ENPP6: variants seen among roughly 807,000 people sequenced by gnomAD.
ENPP6 encodes ectonucleotide pyrophosphatase/phosphodiesterase 6, also known as glycerophosphocholine cholinephosphodiesterase ENPP6.
ENPP6 carries 32 observed loss-of-function variants against 42.0 expected under a neutral mutation model. The ratio of observed to expected loss-of-function variants is 0.76; its 90% CI spans 0.58 to 1.02. ENPP6 has a LOEUF of 1.02. Among genes scored for constraint, ENPP6 ranks in the 50% least tolerant of loss-of-function variants. ENPP6 has a pLI of 0.00. For missense variants in ENPP6, 552 were observed against 566.8 expected (o/e 0.97, Z 0.27); for synonymous variants, 213 against 216.0 (o/e 0.99, Z 0.12).
rs1732601416 is a variant in ENPP6 at position 184,184,593 on chromosome 4, A to C, written c.242-30860T>G. ...TGACCTCATTTGGAAGAAGGGTCTT[A>C]GCAGATGTCACTAAGTTAAGGGTTT... On this transcript the variant is annotated intron_variant, in intron 1 of 7. Coordinates refer to ENST00000296741, the MANE Select transcript of ENPP6 (RefSeq NM_153343.4). This position sits in a 1 kb window ranked among gnomAD's most constrained non-coding sequence, Gnocchi z 4.7. Among the ~76,000 whole-genome samples, 1 of 152,182 alleles carries C rather than the reference A, an allele frequency of 6.6e-6. No individual in the cohort carries two copies. The highest frequency in any genetic ancestry group is 2.4e-5 in the African/African-American group (1 of 41,432).
At chr4:184,133,788 G>A (rs866978094) in intron 2 of ENPP6, among the ~76,000 whole-genome samples, 33 of 150,482 alleles carry the variant, frequency 2.2e-4, no homozygotes, top group African/African-American at 8.1e-4. Context: ...GTTTAGGATT[G>A]TATCAATTGC....
chr4:184,116,163 C>T (rs1736310372), intron 5 of ENPP6, among the ~76,000 whole-genome samples: 1 of 152,166 alleles, frequency 6.6e-6, no homozygotes, highest in African/African-American at 2.4e-5. Context: ...GCAAAGCTTG[C>T]AGTGAGCCGA....
intron 1 of ENPP6, among the ~76,000 whole-genome samples, chr4:184,210,694 C>T (rs1322543646): frequency 4.8e-5 from 7 of 144,460 alleles, no homozygotes; most frequent in Non-Finnish European, 1.5e-5. Context: ...AGAAAGTCAA[C>T]AAGGATACCC....
At chr4:184,132,873 C>T (rs1464216226) in intron 2 of ENPP6, among the ~76,000 whole-genome samples, 6 of 147,668 alleles carry the variant, frequency 4.1e-5, no homozygotes, top group Admixed American at 2.1e-4. Flanking sequence ...TCCAATTGAT[C>T]TATCATAATT....
At chr4:184,101,830 T>C (rs1342578423) in intron 6 of ENPP6, among the ~76,000 whole-genome samples, 1 of 152,160 alleles carries the variant, frequency 6.6e-6, no homozygotes, top group Non-Finnish European at 1.5e-5. Context: ...GCCAGGACCC[T>C]CCTTGATGAG....
At position 184,143,591 on chromosome 4, in the gene ENPP6, G is replaced by A. The variant is rs1000309028; in HGVS notation, c.421+9963C>T. Among the ~76,000 whole-genome samples, 9 of 152,162 alleles carry A rather than the reference G, an allele frequency of 5.9e-5. 1 individual carries two copies. The South Asian group carries it at 6.2e-4, about 11-fold the overall frequency. On this transcript the variant is annotated intron_variant, in intron 2 of 7. Coordinates refer to ENST00000296741, the MANE Select transcript of ENPP6 (RefSeq NM_153343.4). ...GACCTCGTGGCCTCTCCCGCTGTGC[G>A]TCCCTTTCCTGGGAGCCCCGCTTTC...
In ENPP6 at chr4:184,184,564, G is replaced by A. The variant is rs1732600948; in HGVS notation, c.242-30831C>T. ...AACCTGTGTCTACCCAGAACCTGCG[G>A]AAGTGACCTCATTTGGAAGAAGGGT... is the stretch of plus-strand genomic sequence containing the variant. On this transcript the variant is annotated intron_variant, in intron 1 of 7. Coordinates refer to ENST00000296741, the MANE Select transcript of ENPP6 (RefSeq NM_153343.4). This position sits in a 1 kb window ranked among gnomAD's most constrained non-coding sequence, Gnocchi z 4.7. Among the ~76,000 whole-genome samples, 1 of 152,216 alleles carries A rather than the reference G, an allele frequency of 6.6e-6. No individual in the cohort carries two copies. The highest frequency in any genetic ancestry group is 1.5e-5 in the Non-Finnish European group (1 of 68,044).
chr4:184,134,722 C>A (rs1736703918), intron 2 of ENPP6, among the ~76,000 whole-genome samples: 1 of 150,778 alleles, frequency 6.6e-6, no homozygotes, highest in African/African-American at 2.4e-5. Flanking sequence ...TGTTTATTTT[C>A]TATTTTATTC....
intron 1 of ENPP6, among the ~76,000 whole-genome samples, chr4:184,192,377 G>T (rs574605794): frequency 6.6e-6 from 1 of 152,252 alleles, no homozygotes; most frequent in East Asian, 1.9e-4. Context: ...AATAGTCAAT[G>T]GAAAAGGAAT....
intron 1 of ENPP6, among the ~76,000 whole-genome samples, chr4:184,214,687 T>C (rs1280708057): frequency 6.6e-6 from 1 of 152,198 alleles, no homozygotes. Context: ...TGCAGAGACA[T>C]GGATGAAGCT....
At chr4:184,167,947 G>A (rs1012060649) in intron 1 of ENPP6, among the ~76,000 whole-genome samples, 3 of 152,168 alleles carry the variant, frequency 2.0e-5, no homozygotes, top group Admixed American at 6.5e-5. Context: ...GGATCAAAGA[G>A]CAACTCAAGG....
chr4:184,182,842 C>T (rs1448254551), intron 1 of ENPP6, among the ~76,000 whole-genome samples: 1 of 152,166 alleles, frequency 6.6e-6, no homozygotes, highest in Non-Finnish European at 1.5e-5. Context: ...GAACAACACA[C>T]ACTGGGGCCT....
At position 184,089,405 on chromosome 4, in the gene ENPP6, A is replaced by G. The variant is rs1264788136; in HGVS notation, c.*1772T>C. ...CCATCGTCCTGAGGAGACCTGATATATTGCCTTTTCCTGACAAAAAGTCTC... is the reference window on the plus strand; with the variant it reads ...CCATCGTCCTGAGGAGACCTGATATGTTGCCTTTTCCTGACAAAAAGTCTC... On this transcript the variant is annotated 3_prime_UTR_variant, in exon 8 of 8. Transcript: ENST00000296741. 6.6e-6 allele frequency: 1 copy of G among 152,072 alleles called. No individual in the cohort carries two copies. Among genetic ancestry groups the G allele is most frequent in the South Asian group, 2.1e-4 (1 of 4,822 alleles). The allele number at this position is 152,072 out of a possible 1,614,324, so 9.4% of individuals were successfully genotyped here.
intron 5 of ENPP6, among the ~76,000 whole-genome samples, chr4:184,116,092 G>A (rs749767580): frequency 3.3e-5 from 5 of 152,026 alleles, no homozygotes; most frequent in Non-Finnish European, 5.9e-5. Flanking sequence ...GCATGGTGGC[G>A]GGCGCCTGTA....
At chr4:184,159,286 G>A (rs548601009) in intron 1 of ENPP6, among the ~76,000 whole-genome samples, 37 of 152,292 alleles carry the variant, frequency 2.4e-4, no homozygotes, top group East Asian at 1.2e-3. Flanking sequence ...GAGGGTCAGC[G>A]GGACCTGGAG....
chr4:184,160,582 CAT>C (rs1483828643), intron 1 of ENPP6, among the ~76,000 whole-genome samples: 1 of 152,172 alleles, frequency 6.6e-6, no homozygotes, highest in Non-Finnish European at 1.5e-5. Context: ...TGTGCATGCA[CAT>C]ATGTGTACAT....
chr4:184,111,787 C>T (rs919539988), intron 6 of ENPP6, among the ~76,000 whole-genome samples: 3 of 152,188 alleles, frequency 2.0e-5, no homozygotes, highest in Admixed American at 1.3e-4. Context: ...TTTTCCCATG[C>T]CCATGTCCCG....
chr4:184,113,896 TTCTTTTCTTTC>T (rs1275673669), intron 5 of ENPP6, among the ~76,000 whole-genome samples: 9 of 149,560 alleles, frequency 6.0e-5, no homozygotes, highest in African/African-American at 2.2e-4. Flanking sequence ...CTTCCTTTCT[TTCTTTTCTTTC>T]TTTCTTTCTT....
At chr4:184,147,098 A>G (rs903959173) in intron 2 of ENPP6, among the ~76,000 whole-genome samples, 12 of 152,142 alleles carry the variant, frequency 7.9e-5, no homozygotes, top group African/African-American at 2.2e-4. Flanking sequence ...CTCTGCCTTC[A>G]GACTGCTTCT....
Sources: gnomAD v4.1 joint callset for allele counts (sites outside exome capture counted in the v4.1 genomes callset) on GRCh38, gnomAD v4.1.1 for gene constraint, Gnocchi (gnomAD v3.1) non-coding constraint, MANE v1.5 for transcripts, NCBI Gene and HGNC (gene_info 2026-07-23, HGNC 2026-07-21) for gene names.